Variants in PAPPA2 observed in about 807,000 individuals in gnomAD.
PAPPA2 encodes the protein pappalysin-2.
PAPPA2 carries 86 observed loss-of-function variants against 176.4 expected under a neutral mutation model. That is an observed-to-expected ratio of 0.49 (90% CI 0.41 to 0.58). The LOEUF (loss-of-function observed/expected upper bound fraction) is 0.58, where lower values mean the gene tolerates loss of function less well. Ranked by LOEUF, PAPPA2 falls within the 20% of genes least tolerant of loss-of-function variation. PAPPA2 has a pLI of 0.00. For missense variants in PAPPA2, 2,073 were observed against 2,256.9 expected, an observed-to-expected ratio of 0.92 and a Z score of 1.65; for synonymous variants, 809 against 852.2, an observed-to-expected ratio of 0.95 and a Z score of 0.88.
intron 1 of PAPPA2, among the ~76,000 whole-genome samples, chr1:176,499,790 C>G (rs1413092405): frequency 6.6e-6 from 1 of 152,130 alleles, no homozygotes; most frequent in Non-Finnish European, 1.5e-5. Flanking sequence ...GTTGGCTAAC[C>G]CATGGTTTAA....
chr1:176,817,634 A>T (rs1354804681), intron 21 of PAPPA2, among the ~76,000 whole-genome samples: 1 of 152,086 alleles, frequency 6.6e-6, no homozygotes, highest in African/African-American at 2.4e-5. Context: ...TAAGATATAA[A>T]ATTGATTCTA....
chr1:176,550,491 G>C (rs755073661), intron 1 of PAPPA2, among the ~76,000 whole-genome samples: 12 of 152,160 alleles, frequency 7.9e-5, no homozygotes, highest in Non-Finnish European at 1.5e-4. Context: ...AGGGCTCCAC[G>C]AGCTAGTTCC....
chr1:176,610,344 T>TG lies in PAPPA2; in HGVS notation c.1991+14759dup, dbSNP rs35317617. Among the ~76,000 whole-genome samples, 295 of 140,566 alleles carry TG rather than the reference T, an allele frequency of 2.1e-3. 3 individuals are homozygous for TG. The East Asian group carries it at 0.021, about 10-fold the overall frequency. The allele number at this position is 140,566 out of a possible 152,430, so 92.2% of individuals were successfully genotyped here. A position where few individuals can be genotyped will look rare whatever the true frequency, so the allele number is the denominator to read the frequency against. On this transcript the variant is annotated intron_variant, in intron 3 of 22. Coordinates refer to ENST00000367662, the MANE Select transcript of PAPPA2 (RefSeq NM_020318.3). ...TGAATTAATGCTGCAAAGTTGTGTG[T>TG]GGGGGGGGGGAGTAGGATTTATAGG...
At chr1:176,586,733 A>T (rs1403803140) in intron 2 of PAPPA2, among the ~76,000 whole-genome samples, 1 of 152,186 alleles carries the variant, frequency 6.6e-6, no homozygotes, top group Non-Finnish European at 1.5e-5. Flanking sequence ...TGCTATTGTA[A>T]ATAGTGCTGC....
chr1:176,517,563 G>T (rs1468900231), intron 1 of PAPPA2, among the ~76,000 whole-genome samples: 1 of 152,180 alleles, frequency 6.6e-6, no homozygotes. Context: ...AAGGCAGTGA[G>T]TCATCCCAGG....
rs1191222741 is a variant in PAPPA2 at position 176,796,758 on chromosome 1, TTC to T, written c.5130+3093_5130+3094del. Among the ~76,000 whole-genome samples the T allele has an allele frequency of 1.9e-4, 29 of 151,032 alleles. 2 individuals carry two copies. Among genetic ancestry groups the T allele is most frequent in the Admixed American group, 2.0e-4 (3 of 15,162 alleles). Reference sequence around the variant, plus strand: ...CTCTCTTTCTCCCTCTCTCTTTTCCTTCTCTTTCTTTCTTTCTTCCCTTCTTT... The same window carrying T: ...CTCTCTTTCTCCCTCTCTCTTTTCCTTCTTTCTTTCTTTCTTCCCTTCTTT... On this transcript the variant is annotated intron_variant, in intron 20 of 22. Transcript: ENST00000367662.
intron 1 of PAPPA2, among the ~76,000 whole-genome samples, chr1:176,527,242 C>G (rs1232453539): frequency 6.6e-6 from 1 of 152,220 alleles, no homozygotes; most frequent in Non-Finnish European, 1.5e-5. Context: ...GTGGATGCCA[C>G]CACAGCCATA....
chr1:176,821,233 T>G (rs563002676), intron 21 of PAPPA2, among the ~76,000 whole-genome samples: 1 of 152,262 alleles, frequency 6.6e-6, no homozygotes, highest in East Asian at 1.9e-4. Flanking sequence ...ATAAAAAATA[T>G]CAAATTACTA....
chr1:176,611,239 G>A (rs1266929514), intron 3 of PAPPA2, among the ~76,000 whole-genome samples: 1 of 152,106 alleles, frequency 6.6e-6, no homozygotes, highest in Non-Finnish European at 1.5e-5. Flanking sequence ...TATATTATAT[G>A]GGGGCATAAT....
chr1:176,775,829 A>G (rs1252878604), intron 17 of PAPPA2, among the ~76,000 whole-genome samples: 1 of 152,188 alleles, frequency 6.6e-6, no homozygotes, highest in Non-Finnish European at 1.5e-5. Flanking sequence ...TTCCTGAAAG[A>G]TCCAGAATAA....
In PAPPA2 at chr1:176,556,305, G is replaced by C. The variant is rs1461769229; in HGVS notation, c.-18G>C. Reference sequence around the variant, plus strand: ...CCAGAAGTTGACTTCTGGTTCTGTAGAAAGAGCTAGGGGAGGTATGATGTG... The same window carrying C: ...CCAGAAGTTGACTTCTGGTTCTGTACAAAGAGCTAGGGGAGGTATGATGTG... On this transcript the variant is annotated 5_prime_UTR_variant, in exon 2 of 23. Transcript: ENST00000367662. 3.7e-6 allele frequency: 6 copies of C among 1,604,700 alleles called. No individual in the cohort carries two copies. In the Admixed American group the frequency reaches 1.0e-4, roughly 27 times the overall value.
chr1:176,533,726 C>A (rs1326868950), intron 1 of PAPPA2, among the ~76,000 whole-genome samples: 3 of 152,204 alleles, frequency 2.0e-5, no homozygotes, highest in Non-Finnish European at 4.4e-5. Context: ...TGTGAAAATG[C>A]AAATTCTAAT....
Position 176,555,788 on chromosome 1 carries a change from A to T in PAPPA2, c.-535A>T, listed in dbSNP as rs1651241656. Reference sequence around the variant, plus strand: ...TTATTTTGGCTTAGGGACTACAAAAAGAGAAGGTAATTCCTAGGGAAGGAA... The same window carrying T: ...TTATTTTGGCTTAGGGACTACAAAATGAGAAGGTAATTCCTAGGGAAGGAA... On this transcript the variant is annotated 5_prime_UTR_variant, in exon 2 of 23. The change creates a new upstream start codon in the 5' untranslated region. Transcript: ENST00000367662. 1 of 152,678 alleles carries T rather than the reference A, an allele frequency of 6.5e-6. No homozygotes were observed. The highest frequency in any genetic ancestry group is 1.5e-5 in the Non-Finnish European group (1 of 68,406). The allele number at this position is 152,678 out of a possible 1,614,324, so 9.5% of individuals were successfully genotyped here.
intron 2 of PAPPA2, among the ~76,000 whole-genome samples, chr1:176,586,293 C>T (rs1478522357): frequency 6.6e-6 from 1 of 151,902 alleles, no homozygotes; most frequent in Non-Finnish European, 1.5e-5. Context: ...TTTTTGGCAG[C>T]AAATCCAGGT....
intron 8 of PAPPA2, among the ~76,000 whole-genome samples, chr1:176,700,133 A>G (rs1660585146): frequency 6.6e-6 from 1 of 151,804 alleles, no homozygotes; most frequent in Non-Finnish European, 1.5e-5. Context: ...TTTCTCTTCC[A>G]GCTCTCCTCT....
intron 14 of PAPPA2, 30 bp downstream of exon 14, chr1:176,740,226 C>T (rs1662615255): frequency 1.3e-6 from 2 of 1,590,846 alleles, no homozygotes; most frequent in South Asian, 1.1e-5. Context: ...TCTTTTGTTT[C>T]CTTTTCTTGT....
intron 21 of PAPPA2, among the ~76,000 whole-genome samples, chr1:176,829,216 C>T (rs1666976356): frequency 6.6e-6 from 1 of 151,560 alleles, no homozygotes; most frequent in Non-Finnish European, 1.5e-5. Context: ...AAATTCCTCT[C>T]AATGTACTTG....
intron 3 of PAPPA2, among the ~76,000 whole-genome samples, chr1:176,632,507 C>T (rs540865798): frequency 1.3e-5 from 2 of 151,314 alleles, no homozygotes; most frequent in East Asian, 1.9e-4. Context: ...CCAGCCTGGG[C>T]GACAGAGAGA....
intron 3 of PAPPA2, among the ~76,000 whole-genome samples, chr1:176,642,617 G>T (rs1279683052): frequency 6.6e-6 from 1 of 151,888 alleles, no homozygotes; most frequent in Non-Finnish European, 1.5e-5. Flanking sequence ...GAAGATAGAA[G>T]ACCACTGCTA....
Sources: gnomAD v4.1 joint callset for allele counts (sites outside exome capture counted in the v4.1 genomes callset) on GRCh38, gnomAD v4.1.1 for gene constraint, MANE v1.5 for transcripts, NCBI Gene and HGNC (gene_info 2026-07-23, HGNC 2026-07-21) for gene names.